PRRX1: variants seen among roughly 807,000 people sequenced by gnomAD.
PRRX1 encodes the protein paired related homeobox 1.
PRRX1 carries 8 observed loss-of-function variants against 24.0 expected under a neutral mutation model. The observed-to-expected ratio is 0.33, with a 90% confidence interval of 0.20 to 0.60. PRRX1 has a LOEUF of 0.60. Among genes scored for constraint, PRRX1 ranks in the 20% least tolerant of loss-of-function variants. The probability of loss-of-function intolerance (pLI) is 0.82; values close to 1 mark genes in which losing one functional copy is unlikely to be tolerated. For synonymous variants in PRRX1, 160 were observed against 131.7 expected (o/e 1.22, Z -1.47); for missense variants, 281 against 322.4 (o/e 0.87, Z 0.98).
At chr1:170,722,200 G>A (rs1249148954) in intron 2 of PRRX1, among the ~76,000 whole-genome samples, 1 of 151,998 alleles carries the variant, frequency 6.6e-6, no homozygotes, top group East Asian at 1.9e-4. Context: ...CCTTTTCCCA[G>A]TCTGAACCAA....
At chr1:170,691,154 T>G (rs1653932892) in intron 1 of PRRX1, among the ~76,000 whole-genome samples, 1 of 152,088 alleles carries the variant, frequency 6.6e-6, no homozygotes, top group Admixed American at 6.6e-5. Flanking sequence ...CCAGTGCCAA[T>G]CATAGACCTG....
At chr1:170,688,342 T>C (rs983561880) in intron 1 of PRRX1, among the ~76,000 whole-genome samples, 8 of 151,914 alleles carry the variant, frequency 5.3e-5, no homozygotes, top group African/African-American at 1.9e-4. Flanking sequence ...AAGGTATCTA[T>C]TTTTTTTCTA....
At chr1:170,705,908 A>G (rs1654541067) in intron 1 of PRRX1, among the ~76,000 whole-genome samples, 1 of 144,536 alleles carries the variant, frequency 6.9e-6, no homozygotes, top group South Asian at 2.3e-4. Flanking sequence ...TCACACATAT[A>G]CCCACATAGA....
At chr1:170,702,395 T>G (rs1470053457) in intron 1 of PRRX1, among the ~76,000 whole-genome samples, 1 of 152,134 alleles carries the variant, frequency 6.6e-6, no homozygotes, top group Non-Finnish European at 1.5e-5. Context: ...CCCTCACCCT[T>G]TCAAGCCTCT....
At chr1:170,709,172 T>G (rs767420801) in intron 1 of PRRX1, among the ~76,000 whole-genome samples, 19 of 152,126 alleles carry the variant, frequency 1.2e-4, no homozygotes, top group Admixed American at 5.9e-4. Flanking sequence ...ATGGTTAAGA[T>G]GCTGGATGAA....
chr1:170,664,146 C>T lies in PRRX1; in HGVS notation c.-73C>T. 6.7e-7 allele frequency: 1 copy of T among 1,496,436 alleles called. No homozygotes were observed. The highest frequency in any genetic ancestry group is 9.0e-7 in the Non-Finnish European group (1 of 1,108,854). The allele number at this position is 1,496,436 out of a possible 1,614,324, so 92.7% of individuals were successfully genotyped here. A position where few individuals can be genotyped will look rare whatever the true frequency, so the allele number is the denominator to read the frequency against. On this transcript the variant is annotated 5_prime_UTR_variant, in exon 1 of 4. Coordinates refer to ENST00000239461, the MANE Select transcript of PRRX1 (RefSeq NM_022716.4). Reference sequence around the variant, plus strand: ...TTTCTTCCCCACTCGGCTCCTCTCCCCCCTCGCGCCCACAGCGTTTGGTGT... The same window carrying T: ...TTTCTTCCCCACTCGGCTCCTCTCCTCCCTCGCGCCCACAGCGTTTGGTGT...
upstream of PRRX1, chr1:170,663,733 C>G (rs1029152488): frequency 6.5e-6 from 1 of 153,922 alleles, no homozygotes; most frequent in African/African-American, 2.4e-5. Context: ...AAACCATTCA[C>G]TTTGATTCTT....
chr1:170,730,872 G>A (rs1303712085), intron 3 of PRRX1, among the ~76,000 whole-genome samples: 1 of 152,052 alleles, frequency 6.6e-6, no homozygotes, highest in Non-Finnish European at 1.5e-5. Flanking sequence ...GGAACCTATC[G>A]ATAAGCAGTG....
intron 2 of PRRX1, chr1:170,722,746 GA>G (rs1175952595): frequency 1.3e-5 from 2 of 152,216 alleles, no homozygotes; most frequent in Non-Finnish European, 2.9e-5. Context: ...GACAAATCTT[GA>G]AAGTAGTGTA....
chr1:170,705,635 G>A (rs1425486227), intron 1 of PRRX1, among the ~76,000 whole-genome samples: 1 of 151,986 alleles, frequency 6.6e-6, no homozygotes, highest in Non-Finnish European at 1.5e-5. Flanking sequence ...AGTTCAGCAG[G>A]CAGTGATATC....
At chr1:170,710,543 A>G (rs1301674208) in intron 1 of PRRX1, among the ~76,000 whole-genome samples, 1 of 152,252 alleles carries the variant, frequency 6.6e-6, no homozygotes, top group Non-Finnish European at 1.5e-5. Flanking sequence ...AATTTGTATC[A>G]TTTAAAAATA....
chr1:170,684,326 T>C (rs976987806), intron 1 of PRRX1, among the ~76,000 whole-genome samples: 1 of 152,232 alleles, frequency 6.6e-6, no homozygotes, highest in Non-Finnish European at 1.5e-5. Flanking sequence ...GATCTTTTCT[T>C]GTAGTTTCTT....
intron 3 of PRRX1, chr1:170,727,447 GTTTACCTT>G (rs1033810056): frequency 1.3e-5 from 2 of 152,140 alleles, no homozygotes; most frequent in African/African-American, 4.8e-5. Context: ...TTATGCTTTT[GTTTACCTT>G]TTTATTGTCA....
At chr1:170,709,637 C>T (rs1455163264) in intron 1 of PRRX1, among the ~76,000 whole-genome samples, 1 of 152,002 alleles carries the variant, frequency 6.6e-6, no homozygotes, top group East Asian at 1.9e-4. Context: ...TTCTCCAGAT[C>T]AGTTAGAAAG....
At chr1:170,664,601 C>T in intron 1 of PRRX1, 142 bp downstream of exon 1, 1 of 1,324,592 alleles carries the variant, frequency 7.5e-7, no homozygotes, top group Admixed American at 2.7e-5. Flanking sequence ...AAAGGAAGGG[C>T]CAGTCACAGG....
At chr1:170,710,751 C>T (rs1380175090) in intron 1 of PRRX1, among the ~76,000 whole-genome samples, 2 of 152,168 alleles carry the variant, frequency 1.3e-5, no homozygotes, top group African/African-American at 4.8e-5. Context: ...GACCAGGAAG[C>T]TTGCTCTCTT....
Position 170,737,386 on chromosome 1 carries a change from T to G in PRRX1, c.*1200T>G, listed in dbSNP as rs1284906975. On this transcript the variant is annotated 3_prime_UTR_variant, in exon 4 of 4. Coordinates refer to ENST00000239461, the MANE Select transcript of PRRX1 (RefSeq NM_022716.4). ...CAGGTCCCATTTTCACATTAGGGCTTTAAATGAATTAGAAACTATTTGAGG... is the reference window on the plus strand; with the variant it reads ...CAGGTCCCATTTTCACATTAGGGCTGTAAATGAATTAGAAACTATTTGAGG... 1 of 192,844 alleles carries G rather than the reference T, an allele frequency of 5.2e-6. No homozygotes were observed. The highest frequency in any genetic ancestry group is 8.1e-5 in the East Asian group (1 of 12,290). The allele number at this position is 192,844 out of a possible 1,614,324, so 11.9% of individuals were successfully genotyped here. A position where few individuals can be genotyped will look rare whatever the true frequency, so the allele number is the denominator to read the frequency against.
chr1:170,720,141 G>A (rs377511572), intron 2 of PRRX1, among the ~76,000 whole-genome samples: 3 of 152,156 alleles, frequency 2.0e-5, no homozygotes, highest in African/African-American at 4.8e-5. Flanking sequence ...AGCCAGGCAT[G>A]ATGCTGCGTG....
chr1:170,714,647 G>A (rs1558058309), intron 1 of PRRX1, among the ~76,000 whole-genome samples: 1 of 152,336 alleles, frequency 6.6e-6, no homozygotes, highest in East Asian at 1.9e-4. Context: ...GCAGAAGAGG[G>A]TGAGGGGTGT....
Sources: gnomAD v4.1 joint callset for allele counts (sites outside exome capture counted in the v4.1 genomes callset) on GRCh38, gnomAD v4.1.1 for gene constraint, MANE v1.5 for transcripts, NCBI Gene and HGNC (gene_info 2026-07-23, HGNC 2026-07-21) for gene names.